RELA: variants seen among roughly 807,000 people sequenced by gnomAD.
The protein encoded by RELA is transcription factor p65.
RELA carries 14 observed loss-of-function variants against 56.7 expected under a neutral mutation model. That is an observed-to-expected ratio of 0.25 (90% CI 0.16 to 0.39). The LOEUF is 0.39. Ranked by LOEUF, RELA falls within the 10% of genes least tolerant of loss-of-function variation. The pLI, the probability that RELA is intolerant of heterozygous loss-of-function variation, is 1.00. For missense variants in RELA, 559 were observed against 736.4 expected (o/e 0.76, Z 2.79); for synonymous variants, 315 against 289.7 (o/e 1.09, Z -0.89).
chr11:65,662,314 A>G, intron 1 of RELA, 109 bp from the exon 2 acceptor site: 7 of 1,313,278 alleles, frequency 5.3e-6, no homozygotes, highest in Non-Finnish European at 7.1e-6. Flanking sequence ...AGGGGAACTG[A>G]GTCAGGACCT....
In RELA at chr11:65,660,171, T is replaced by C. The variant is rs2135565563; in HGVS notation, c.380A>G (p.Glu127Gly). ...GIQCVKKRDL[E>G]QAISQRIQTN... Reference sequence around the variant, plus strand: ...CTGGATGCGCTGACTGATAGCCTGCTCCAGGTCCCGCTTCTTCACACACTG... The same window carrying C: ...CTGGATGCGCTGACTGATAGCCTGCCCCAGGTCCCGCTTCTTCACACACTG... The change falls in exon 5 of 11, where the codon GAG (glutamate) becomes GGG (glycine). Residue 127 changes from glutamate (E) to glycine (G), a missense_variant. Around this residue, in one of 4 missense-constraint regions of RELA, gnomAD observed 149 missense variants for 256.0 expected, o/e 0.58. Transcript: ENST00000406246. The C allele has an allele frequency of 6.2e-7, 1 of 1,614,132 alleles. No homozygotes were observed. The highest frequency in any genetic ancestry group is 8.5e-7 in the Non-Finnish European group (1 of 1,180,018).
intron 10 of RELA, 100 bp from the exon 11 acceptor site, chr11:65,655,100 CCT>C (rs1590931851): frequency 1.1e-5 from 11 of 957,246 alleles, no homozygotes; most frequent in Non-Finnish European, 1.8e-5. Flanking sequence ...AGGCTCAATC[CCT>C]CTCTAGGGAG....
At chr11:65,662,602 C>G (rs1225833407) in intron 1 of RELA, 1 of 377,458 alleles carries the variant, frequency 2.6e-6, no homozygotes, top group Non-Finnish European at 4.7e-6. Context: ...TCTGCTCCCC[C>G]ACCCAGGGAG....
At chr11:65,655,566 C>T in intron 10 of RELA, 122 bp downstream of exon 10, 1 of 972,102 alleles carries the variant, frequency 1.0e-6, no homozygotes, top group South Asian at 1.4e-5. Flanking sequence ...GTTCCTGCGC[C>T]ATCCTTTCAA....
intron 10 of RELA, 180 bp downstream of exon 10, chr11:65,655,508 C>A: frequency 4.9e-6 from 3 of 614,522 alleles, no homozygotes; most frequent in Non-Finnish European, 8.7e-6. Flanking sequence ...TTAAGTGGCA[C>A]GGTGGTTCCC....
At chr11:65,662,686 C>T in intron 1 of RELA, 140 bp downstream of exon 1, 1 of 616,652 alleles carries the variant, frequency 1.6e-6, no homozygotes, top group East Asian at 4.1e-5. Context: ...TGCCCCGCCC[C>T]GCGCCACCAT....
Position 65,654,737 on chromosome 11 carries a change from C to T in RELA, c.1297G>A (p.Glu433Lys), listed in dbSNP as rs774718207. Residue 433 changes from glutamate (E) to lysine (K), a missense_variant, in exon 11 of 11, where the codon GAA (glutamate) becomes AAA (lysine). This residue lies in a region of RELA where 365 missense variants were observed against 387.5 expected (regional missense o/e 0.94). Coordinates refer to ENST00000406246, the MANE Select transcript of RELA (RefSeq NM_021975.4). ...AGCAGGGCCTCTGACAGCGTTCCTT[C>T]CCCAGCCTGGGTGGGCTTGGGGGCA... ...PPAPKPTQAG[E>K]GTLSEALLQL... The T allele has an allele frequency of 6.1e-5, 93 of 1,520,206 alleles. No individual in the cohort carries two copies. Among genetic ancestry groups the T allele is most frequent in the Non-Finnish European group, 7.7e-5 (87 of 1,135,270 alleles). The allele number at this position is 1,520,206 out of a possible 1,614,324, so 94.2% of individuals were successfully genotyped here.
At chr11:65,663,700 G>A (rs913853780), upstream of RELA, among the ~76,000 whole-genome samples, 19 of 152,176 alleles carry the variant, frequency 1.2e-4, no homozygotes, top group Admixed American at 7.9e-4. Context: ...GACCCACAGG[G>A]ACACTTGAAT....
chr11:65,661,005 C>T (rs1856550415), intron 4 of RELA, among the ~76,000 whole-genome samples: 2 of 146,202 alleles, frequency 1.4e-5, no homozygotes, highest in Non-Finnish European at 3.0e-5. Flanking sequence ...CGCCACTGCA[C>T]TCCAGTCTGG....
rs898332385 is a variant in RELA at position 65,658,081 on chromosome 11, C to T, written c.877+206G>A. Among the ~76,000 whole-genome samples the T allele has an allele frequency of 1.3e-5, 2 of 152,212 alleles. No homozygotes were observed. Among genetic ancestry groups the T allele is most frequent in the Non-Finnish European group, 2.9e-5 (2 of 68,038 alleles). On this transcript the variant is annotated intron_variant, in intron 8 of 10. Coordinates refer to ENST00000406246, the MANE Select transcript of RELA (RefSeq NM_021975.4). This position sits in a 1 kb window ranked among gnomAD's most constrained non-coding sequence, Gnocchi z 4.5. ...AAAATCAGGTAATCCAGTGAAGTGC[C>T]TGGAATAGGGGCAGATGTGTAGTAC...
Position 65,658,289 on chromosome 11 carries a change from G to C in RELA, c.875C>G (p.Thr292Arg). 6.3e-7 allele frequency: 1 copy of C among 1,591,342 alleles called. No individual in the cohort carries two copies. The highest frequency in any genetic ancestry group is 1.1e-5 in the South Asian group (1 of 88,008). ...EPMEFQYLPD[T>R]DDRHRIEEKR... ...ATGCTGCCACCCCAGCTGTGTACCTGTATCTGGCAGGTACTGGAATTCCAT... is the reference window on the plus strand; with the variant it reads ...ATGCTGCCACCCCAGCTGTGTACCTCTATCTGGCAGGTACTGGAATTCCAT... Residue 292 changes from threonine to arginine, a missense_variant and splice_region_variant, in exon 8 of 11, where the codon ACA becomes AGA. Physicochemically the swap from Thr to Arg is moderately conservative, Grantham distance 71. Coordinates refer to ENST00000406246, the MANE Select transcript of RELA (RefSeq NM_021975.4). The surrounding 1 kb of genome is among the most constrained non-coding windows in gnomAD (Gnocchi z 4.5).
At chr11:65,663,707 G>C (rs547582614), upstream of RELA, among the ~76,000 whole-genome samples, 2 of 152,284 alleles carry the variant, frequency 1.3e-5, no homozygotes, top group Admixed American at 1.3e-4. Flanking sequence ...AGGGACACTT[G>C]AATCAGCAGG....
chr11:65,660,370 T>A (rs1856533541), intron 4 of RELA, 155 bp from the exon 5 acceptor site: 1 of 658,980 alleles, frequency 1.5e-6, no homozygotes, highest in Non-Finnish European at 2.6e-6. Flanking sequence ...ACGAACCCTG[T>A]CCCTTCACTC....
At chr11:65,660,014 G>A (rs760345196) in intron 5 of RELA, 110 bp downstream of exon 5, 2 of 1,234,490 alleles carry the variant, frequency 1.6e-6, no homozygotes, top group Non-Finnish European at 2.4e-6. Flanking sequence ...GTACTGAATG[G>A]GCACCAAGAT....
chr11:65,661,571 G>T, intron 4 of RELA, 116 bp downstream of exon 4: 2 of 959,178 alleles, frequency 2.1e-6, no homozygotes, highest in Non-Finnish European at 3.1e-6. Flanking sequence ...AGCTGAGTCA[G>T]GGCAAGGAGT....
chr11:65,655,038 G>A, intron 10 of RELA, 38 bp from the exon 11 acceptor site: 1 of 1,517,410 alleles, frequency 6.6e-7, no homozygotes, highest in Non-Finnish European at 9.0e-7. Context: ...GTCAGAGAAA[G>A]CCCTAGAGAT....
Position 65,654,343 on chromosome 11 carries a change from A to T in RELA, c.*35T>A. On this transcript the variant is annotated 3_prime_UTR_variant, in exon 11 of 11. Transcript: ENST00000406246. Reference sequence around the variant, plus strand: ...CTTTTGGAGGGCTTCAATCCCCTGCAACCCAGTGCTCTGGGGAGGGCAGGC... The same window carrying T: ...CTTTTGGAGGGCTTCAATCCCCTGCTACCCAGTGCTCTGGGGAGGGCAGGC... The T allele has an allele frequency of 6.2e-7, 1 of 1,613,706 alleles. No individual in the cohort carries two copies. The highest frequency in any genetic ancestry group is 1.7e-5 in the Admixed American group (1 of 60,018).
chr11:65,659,750 G>A lies in RELA; in HGVS notation c.475C>T (p.Leu159Phe). 5 of 1,613,976 alleles carry A rather than the reference G, an allele frequency of 3.1e-6. No homozygotes were observed. The highest frequency in any genetic ancestry group is 4.2e-6 in the Non-Finnish European group (5 of 1,180,010). Residue 159 changes from leucine (L) to phenylalanine (F), a missense_variant, in exon 6 of 11, where the codon CTC becomes TTC. Leu to Phe is a conservative substitution (Grantham distance 22). This residue lies in a region of RELA where 149 missense variants were observed against 256.0 expected (regional missense o/e 0.58). Coordinates refer to ENST00000406246, the MANE Select transcript of RELA (RefSeq NM_021975.4). ...TCCCGCACTGTCACCTGGAAGCAGAGCCGCACAGCATTCAGGTCGTAGTCC... is the reference window on the plus strand; with the variant it reads ...TCCCGCACTGTCACCTGGAAGCAGAACCGCACAGCATTCAGGTCGTAGTCC... ...RGDYDLNAVRLCFQVTVRDPS... is the reference protein window; with the variant it reads ...RGDYDLNAVRFCFQVTVRDPS...
At chr11:65,655,515 T>C in intron 10 of RELA, 173 bp downstream of exon 10, 1 of 627,852 alleles carries the variant, frequency 1.6e-6, no homozygotes, top group Non-Finnish European at 2.8e-6. Context: ...GCACGGTGGT[T>C]CCCAGGCTTC....
Sources: gnomAD v4.1 joint callset for allele counts (sites outside exome capture counted in the v4.1 genomes callset) on GRCh38, gnomAD v4.1.1 for gene constraint, gnomAD v4.1.1 regional missense constraint, Gnocchi (gnomAD v3.1) non-coding constraint, MANE v1.5 for transcripts, NCBI Gene and HGNC (gene_info 2026-07-23, HGNC 2026-07-21) for gene names.